Variants in CNTN4 observed in about 807,000 individuals in gnomAD.
CNTN4 encodes the protein contactin 4, also known as contactin-4.
A neutral mutation model predicts 122.5 loss-of-function variants in CNTN4; 77 were observed. That is an observed-to-expected ratio of 0.63 (90% CI 0.52 to 0.76). The LOEUF (loss-of-function observed/expected upper bound fraction) is 0.76, where lower values mean the gene tolerates loss of function less well. Among genes scored for constraint, CNTN4 ranks in the 30% least tolerant of loss-of-function variants. The pLI, the probability that CNTN4 is intolerant of heterozygous loss-of-function variation, is 0.00. For synonymous variants in CNTN4, 512 were observed against 447.0 expected, an observed-to-expected ratio of 1.15 and a Z score of -1.83; for missense variants, 1,256 against 1,259.1, an observed-to-expected ratio of 1.00 and a Z score of 0.04.
chr3:2,757,856 C>T (rs1044505787), intron 6 of CNTN4, among the ~76,000 whole-genome samples: 2 of 152,138 alleles, frequency 1.3e-5, no homozygotes, highest in Admixed American at 1.3e-4. Flanking sequence ...AAATTCCAAA[C>T]TAGCCACTAA....
At chr3:2,283,893 A>C (rs1169088234) in intron 2 of CNTN4, among the ~76,000 whole-genome samples, 1 of 152,134 alleles carries the variant, frequency 6.6e-6, no homozygotes, top group Non-Finnish European at 1.5e-5. Flanking sequence ...AAAGCTAAAA[A>C]AGCATATTTC....
At chr3:2,182,965 A>G (rs1168291057) in intron 2 of CNTN4, among the ~76,000 whole-genome samples, 1 of 152,152 alleles carries the variant, frequency 6.6e-6, no homozygotes, top group Non-Finnish European at 1.5e-5. Context: ...AACTATAAAA[A>G]TGCTGGATGA....
chr3:2,274,019 G>C (rs142039782), intron 2 of CNTN4, among the ~76,000 whole-genome samples: 13 of 152,194 alleles, frequency 8.5e-5, no homozygotes, highest in Non-Finnish European at 1.8e-4. Context: ...ATCTTAGGGA[G>C]GTAGATACAC....
intron 13 of CNTN4, among the ~76,000 whole-genome samples, chr3:2,986,980 G>A (rs751784294): frequency 6.6e-6 from 1 of 152,188 alleles, no homozygotes; most frequent in African/African-American, 2.4e-5. Flanking sequence ...TAAAGTGGCT[G>A]CAGGAAAACA....
At chr3:2,455,609 A>T (rs2151390812) in intron 3 of CNTN4, among the ~76,000 whole-genome samples, 1 of 152,216 alleles carries the variant, frequency 6.6e-6, no homozygotes, top group Middle Eastern at 3.4e-3. Flanking sequence ...TTAAGGTTTT[A>T]CTGTTTTGTC....
chr3:2,168,894 C>A (rs1212167252), intron 2 of CNTN4, among the ~76,000 whole-genome samples: 1 of 152,028 alleles, frequency 6.6e-6, no homozygotes, highest in Non-Finnish European at 1.5e-5. Context: ...AAATGAATTG[C>A]CAAGATAAAG....
chr3:2,359,337 G>A (rs981057710), intron 3 of CNTN4, among the ~76,000 whole-genome samples: 2 of 152,140 alleles, frequency 1.3e-5, no homozygotes, highest in South Asian at 2.1e-4. Context: ...TATATATATA[G>A]TGTATAATAC....
At chr3:2,820,538 C>T (rs2092839380) in intron 7 of CNTN4, among the ~76,000 whole-genome samples, 1 of 151,924 alleles carries the variant, frequency 6.6e-6, no homozygotes, top group African/African-American at 2.4e-5. Context: ...GGCCATTTTC[C>T]AGCCCTTCTC....
chr3:2,426,239 C>T (rs1485561390), intron 3 of CNTN4, among the ~76,000 whole-genome samples: 1 of 152,096 alleles, frequency 6.6e-6, no homozygotes, highest in African/African-American at 2.4e-5. Context: ...TGAGATACGT[C>T]CCATCAATAC....
intron 3 of CNTN4, among the ~76,000 whole-genome samples, chr3:2,521,541 T>A (rs1454676758): frequency 6.6e-6 from 1 of 152,212 alleles, no homozygotes; most frequent in East Asian, 1.9e-4. Context: ...TTGAGCTTTT[T>A]TGAACAAGTT....
rs562450807 is a variant in CNTN4 at position 2,658,138 on chromosome 3, C to A, written c.56-78077C>A. ...AGGGGGTACCTGGCAAAACTCCAGC[C>A]AGCCTGTGCCCTGGGGTGGACCCAC... On this transcript the variant is annotated intron_variant, in intron 4 of 24. Transcript: ENST00000418658. 7.9e-5 allele frequency among the ~76,000 whole-genome samples: 12 copies of A among 151,370 alleles called. No individual in the cohort carries two copies. In the South Asian group the frequency reaches 2.5e-3, roughly 32 times the overall value.
chr3:2,487,303 A>G (rs769452427), intron 3 of CNTN4, among the ~76,000 whole-genome samples: 7 of 152,198 alleles, frequency 4.6e-5, no homozygotes, highest in Non-Finnish European at 8.8e-5. Flanking sequence ...TGCTCTTACA[A>G]CTATTACCAA....
intron 2 of CNTN4, among the ~76,000 whole-genome samples, chr3:2,313,170 A>T (rs1384048517): frequency 6.6e-6 from 1 of 152,032 alleles, no homozygotes; most frequent in Non-Finnish European, 1.5e-5. Flanking sequence ...AATAGATTAG[A>T]TAGATCCAAG....
chr3:2,407,591 A>G (rs1228372567), intron 3 of CNTN4, among the ~76,000 whole-genome samples: 1 of 152,158 alleles, frequency 6.6e-6, no homozygotes, highest in Non-Finnish European at 1.5e-5. Flanking sequence ...TTGCAGTCTT[A>G]GCTTCATGTG....
chr3:2,576,988 C>T (rs958270550), intron 4 of CNTN4, among the ~76,000 whole-genome samples: 1 of 152,208 alleles, frequency 6.6e-6, no homozygotes, highest in Non-Finnish European at 1.5e-5. Flanking sequence ...CAGCCTTCAG[C>T]TAAGAGGGCA....
intron 17 of CNTN4, among the ~76,000 whole-genome samples, 195 bp downstream of exon 17, chr3:3,034,985 A>G (rs1171565619): frequency 6.6e-6 from 1 of 151,960 alleles, no homozygotes; most frequent in East Asian, 1.9e-4. Context: ...GTTTTTTTAA[A>G]CTCATCCTAA....
intron 2 of CNTN4, among the ~76,000 whole-genome samples, chr3:2,337,491 T>G (rs1482422741): frequency 6.6e-6 from 1 of 152,054 alleles, no homozygotes; most frequent in African/African-American, 2.4e-5. Flanking sequence ...AATTATTAAT[T>G]TGAGGATTGA....
Position 3,057,271 on chromosome 3 carries a change from T to C in CNTN4, c.*1051T>C, listed in dbSNP as rs1701861223. On this transcript the variant is annotated 3_prime_UTR_variant, in exon 25 of 25. Transcript: ENST00000418658. ...AAAATTACATATGGACTTTGGAAGA[T>C]TGCTCCTATTTCAACAAATAGTTGC... is the stretch of plus-strand genomic sequence containing the variant. The C allele has an allele frequency of 6.5e-6, 1 of 152,778 alleles. No homozygotes were observed. Among genetic ancestry groups the C allele is most frequent in the African/African-American group, 2.4e-5 (1 of 41,592 alleles). The allele number at this position is 152,778 out of a possible 1,614,324, so 9.5% of individuals were successfully genotyped here. A position where few individuals can be genotyped will look rare whatever the true frequency, so the allele number is the denominator to read the frequency against.
At chr3:2,627,688 T>C (rs994484297) in intron 4 of CNTN4, among the ~76,000 whole-genome samples, 24 of 151,838 alleles carry the variant, frequency 1.6e-4, no homozygotes, top group South Asian at 2.1e-4. Flanking sequence ...AGAGACGGGG[T>C]TTCACCGTGT....
Sources: allele counts gnomAD v4.1 joint callset (sites outside exome capture counted in the v4.1 genomes callset), GRCh38; gene constraint gnomAD v4.1.1; transcripts MANE v1.5; gene names NCBI Gene and HGNC (gene_info 2026-07-23, HGNC 2026-07-21).